The following NBEA variants were observed in gnomAD, a reference collection of about 807,000 sequenced individuals.
NBEA encodes neurobeachin, also known as lysosomal-trafficking regulator 2.
NBEA carries 44 observed loss-of-function variants against 343.4 expected under a neutral mutation model. The observed-to-expected ratio is 0.13, with a 90% CI of 0.10 to 0.16. NBEA has a LOEUF of 0.16. Among genes scored for constraint, NBEA ranks in the 10% least tolerant of loss-of-function variants. The pLI is 1.00. For missense variants in NBEA, 2,555 were observed against 3,631.3 expected, an observed-to-expected ratio of 0.70 and a Z score of 7.62; for synonymous variants, 1,175 against 1,238.7, an observed-to-expected ratio of 0.95 and a Z score of 1.08.
intron 1 of NBEA, among the ~76,000 whole-genome samples, chr13:34,954,845 A>G (rs989722481): frequency 6.6e-6 from 1 of 152,200 alleles, no homozygotes; most frequent in African/African-American, 2.4e-5. Flanking sequence ...TTCAATACAG[A>G]TGCAACCATC....
intron 31 of NBEA, among the ~76,000 whole-genome samples, chr13:35,198,378 G>A (rs996687235): frequency 2.0e-5 from 3 of 151,972 alleles, no homozygotes; most frequent in Admixed American, 1.3e-4. Context: ...AAATACAGAT[G>A]ATTATTGTGA....
chr13:35,010,560 G>A (rs1382754978), intron 1 of NBEA, among the ~76,000 whole-genome samples: 2 of 137,900 alleles, frequency 1.5e-5, no homozygotes, highest in Non-Finnish European at 1.5e-5. Flanking sequence ...CAGCCTGGGC[G>A]ATGGAGACCC....
chr13:34,981,524 A>C (rs983266245), intron 1 of NBEA, among the ~76,000 whole-genome samples: 1 of 152,160 alleles, frequency 6.6e-6, no homozygotes, highest in Admixed American at 6.5e-5. Context: ...ACAATCTTGC[A>C]TTCTTAGGAT....
chr13:35,139,762 T>G (rs1339083760), intron 17 of NBEA, among the ~76,000 whole-genome samples: 3 of 147,010 alleles, frequency 2.0e-5, no homozygotes, highest in South Asian at 2.2e-4. Flanking sequence ...TTTTTTTTTT[T>G]TTTTTTTTTT....
chr13:35,075,696 CAA>C (rs77215939), intron 10 of NBEA, among the ~76,000 whole-genome samples: 26,152 of 151,848 alleles, frequency 0.17, 2,608 homozygotes, highest in Admixed American at 0.27. Context: ...GCTAATTAAT[CAA>C]AGTTATTCCA....
At position 35,208,399 on chromosome 13, in the gene NBEA, C is replaced by G. The variant is rs534906195; in HGVS notation, c.5367-301C>G. ...CAAAGGCAAAATCTCCTAACTTTAGCACAAATTTCTTAATATTCCCAGATT... is the reference window on the plus strand; with the variant it reads ...CAAAGGCAAAATCTCCTAACTTTAGGACAAATTTCTTAATATTCCCAGATT... On this transcript the variant is annotated intron_variant, in intron 31 of 58. Coordinates refer to ENST00000379939, the MANE Select transcript of NBEA (RefSeq NM_001385012.1). 4.6e-5 allele frequency among the ~76,000 whole-genome samples: 7 copies of G among 152,176 alleles called. No individual in the cohort carries two copies. In the East Asian group the frequency reaches 1.2e-3, roughly 25 times the overall value.
At chr13:35,279,277 A>G (rs890189954) in intron 34 of NBEA, among the ~76,000 whole-genome samples, 2 of 152,210 alleles carry the variant, frequency 1.3e-5, no homozygotes, top group Non-Finnish European at 2.9e-5. Context: ...GACTGTAATA[A>G]AAAAGATTTT....
At chr13:35,408,241 A>G (rs1031617386) in intron 38 of NBEA, among the ~76,000 whole-genome samples, 1 of 152,202 alleles carries the variant, frequency 6.6e-6, no homozygotes, top group South Asian at 2.1e-4. Context: ...TGAACCTGAC[A>G]AAAGCAAGCA....
intron 18 of NBEA, among the ~76,000 whole-genome samples, chr13:35,153,461 A>G (rs573747684): frequency 6.6e-6 from 1 of 152,326 alleles, no homozygotes; most frequent in East Asian, 1.9e-4. Flanking sequence ...ATGTATTTTC[A>G]GTCTGCAAAC....
chr13:35,481,045 C>A (rs2076100898), intron 41 of NBEA, among the ~76,000 whole-genome samples: 1 of 151,926 alleles, frequency 6.6e-6, no homozygotes, highest in Non-Finnish European at 1.5e-5. Flanking sequence ...TCAACTAGAA[C>A]ATTTTGAGAA....
intron 34 of NBEA, among the ~76,000 whole-genome samples, chr13:35,239,072 A>G (rs1300716860): frequency 6.6e-6 from 1 of 152,092 alleles, no homozygotes; most frequent in East Asian, 1.9e-4. Context: ...CAATAATACA[A>G]AAAAATGTAC....
intron 35 of NBEA, among the ~76,000 whole-genome samples, chr13:35,306,188 C>A (rs1413168964): frequency 2.0e-5 from 3 of 152,038 alleles, no homozygotes; most frequent in Non-Finnish European, 4.4e-5. Context: ...TTTTTTCCTG[C>A]AAGCCTCTTC....
At chr13:35,548,755 G>A (rs1410766203) in intron 41 of NBEA, among the ~76,000 whole-genome samples, 1 of 151,866 alleles carries the variant, frequency 6.6e-6, no homozygotes, top group Non-Finnish European at 1.5e-5. Context: ...AAATCATACT[G>A]GTCTATGAAA....
In NBEA at chr13:35,071,164, T is replaced by G. The variant is rs370051240; in HGVS notation, c.1571+312T>G. Among the ~76,000 whole-genome samples, 16 of 152,174 alleles carry G rather than the reference T, an allele frequency of 1.1e-4. No individual in the cohort carries two copies. The South Asian group carries it at 2.9e-3, about 28-fold the overall frequency. ...TCCTGACCTTATCATTTGCATATAC[T>G]CATGGTTTGAATTGACCATGAAACC... On this transcript the variant is annotated intron_variant, in intron 10 of 58. Transcript: ENST00000379939.
intron 36 of NBEA, among the ~76,000 whole-genome samples, chr13:35,310,321 C>T (rs1044364035): frequency 6.6e-6 from 1 of 152,018 alleles, no homozygotes; most frequent in Non-Finnish European, 1.5e-5. Context: ...TGGTTTAAAC[C>T]GTAATGGTTA....
chr13:35,268,946 A>T (rs1454366863), intron 34 of NBEA, among the ~76,000 whole-genome samples: 1 of 152,112 alleles, frequency 6.6e-6, no homozygotes, highest in East Asian at 1.9e-4. Context: ...TGAAGGTGAG[A>T]TAAAGACTTT....
intron 1 of NBEA, among the ~76,000 whole-genome samples, chr13:34,984,475 T>C (rs2060476266): frequency 6.6e-6 from 1 of 152,198 alleles, no homozygotes; most frequent in Non-Finnish European, 1.5e-5. Flanking sequence ...AGTCACTTAG[T>C]GTGATGCCTC....
intron 10 of NBEA, among the ~76,000 whole-genome samples, chr13:35,092,022 A>T (rs2065108195): frequency 6.6e-6 from 1 of 152,036 alleles, no homozygotes; most frequent in East Asian, 1.9e-4. Flanking sequence ...TGACTTTAAG[A>T]CTGACTTTTA....
At chr13:34,997,911 C>T (rs2060993241) in intron 1 of NBEA, among the ~76,000 whole-genome samples, 1 of 152,104 alleles carries the variant, frequency 6.6e-6, no homozygotes, top group Non-Finnish European at 1.5e-5. Context: ...TATAATCAAA[C>T]CAATGAAATG....
Sources: allele counts gnomAD v4.1 joint callset (sites outside exome capture counted in the v4.1 genomes callset), GRCh38; gene constraint gnomAD v4.1.1; transcripts MANE v1.5; gene names NCBI Gene and HGNC (gene_info 2026-07-23, HGNC 2026-07-21).